SRPK2: variants seen among roughly 807,000 people sequenced by gnomAD.
SRPK2 encodes the protein SFRS protein kinase 2.
In SRPK2, 21 loss-of-function variants were observed where a neutral mutation model predicts 90.8. The observed-to-expected ratio is 0.23, with a 90% confidence interval of 0.16 to 0.33. The LOEUF is 0.33. Among genes scored for constraint, SRPK2 ranks in the 10% least tolerant of loss-of-function variants. The pLI, the probability that SRPK2 is intolerant of heterozygous loss-of-function variation, is 1.00. For synonymous variants in SRPK2, 288 were observed against 311.1 expected (o/e 0.93, Z 0.78); for missense variants, 620 against 869.0 (o/e 0.71, Z 3.60).
intron 2 of SRPK2, among the ~76,000 whole-genome samples, chr7:105,380,831 T>A (rs537094146): frequency 3.3e-5 from 5 of 151,580 alleles, no homozygotes; most frequent in East Asian, 1.9e-4. Flanking sequence ...TGCTAAAAAA[T>A]TTTTAAATTA....
intron 2 of SRPK2, among the ~76,000 whole-genome samples, chr7:105,234,033 C>A (rs1031334961): frequency 6.6e-6 from 1 of 151,714 alleles, no homozygotes; most frequent in Admixed American, 6.6e-5. Context: ...TAATTAGTAT[C>A]TATTATTATT....
At chr7:105,267,813 A>G (rs1805301382) in intron 2 of SRPK2, among the ~76,000 whole-genome samples, 1 of 152,024 alleles carries the variant, frequency 6.6e-6, no homozygotes, top group East Asian at 1.9e-4. Flanking sequence ...CTACCACATT[A>G]TTTCTCCATT....
At chr7:105,330,153 C>T (rs1814121399) in intron 2 of SRPK2, among the ~76,000 whole-genome samples, 1 of 151,980 alleles carries the variant, frequency 6.6e-6, no homozygotes, top group African/African-American at 2.4e-5. Flanking sequence ...TCCTGGCTAA[C>T]ACGGTGAAAC....
chr7:105,294,700 A>G (rs1387005959), intron 2 of SRPK2, among the ~76,000 whole-genome samples: 3 of 151,792 alleles, frequency 2.0e-5, no homozygotes, highest in Non-Finnish European at 2.9e-5. Context: ...TAATTTTTCT[A>G]TTTTTAGTAG....
intron 2 of SRPK2, among the ~76,000 whole-genome samples, chr7:105,294,730 T>C (rs1318070773): frequency 6.6e-6 from 1 of 152,056 alleles, no homozygotes; most frequent in Non-Finnish European, 1.5e-5. Flanking sequence ...TTCATCATGT[T>C]GGCCAGACTG....
Position 105,142,106 on chromosome 7 carries a change from A to G in SRPK2, c.1445T>C (p.Leu482Pro). 1 of 1,614,214 alleles carries G rather than the reference A, an allele frequency of 6.2e-7. No individual in the cohort carries two copies. Among genetic ancestry groups the G allele is most frequent in the Non-Finnish European group, 8.5e-7 (1 of 1,180,026 alleles). ...SLEPVACGSVLSEGSPLTEQE... is the reference protein window; with the variant it reads ...SLEPVACGSVPSEGSPLTEQE... ...CTCAGTAAGTGGTGATCCCTCAGAAAGCACAGAGCCGCAGGCCACAGGTTC... is the reference window on the plus strand; with the variant it reads ...CTCAGTAAGTGGTGATCCCTCAGAAGGCACAGAGCCGCAGGCCACAGGTTC... The change falls in exon 11 of 16, where the codon CTT becomes CCT. Residue 482 changes from leucine to proline, a missense_variant. Transcript: ENST00000393651.
chr7:105,181,308 C>A (rs1242893036), intron 3 of SRPK2, among the ~76,000 whole-genome samples: 2 of 152,184 alleles, frequency 1.3e-5, no homozygotes, highest in South Asian at 4.1e-4. Context: ...ATCAGTATGG[C>A]AATTCCTCAA....
chr7:105,345,058 A>AC (rs1816294747), intron 2 of SRPK2, among the ~76,000 whole-genome samples: 1 of 151,672 alleles, frequency 6.6e-6, no homozygotes, highest in Non-Finnish European at 1.5e-5. Flanking sequence ...ATCACTTGAA[A>AC]CCAGGAGGCG....
At chr7:105,281,881 T>C (rs1400957672) in intron 2 of SRPK2, among the ~76,000 whole-genome samples, 2 of 152,086 alleles carry the variant, frequency 1.3e-5, no homozygotes, top group Non-Finnish European at 2.9e-5. Flanking sequence ...ATGGCAATAT[T>C]CCCCAAATTA....
intron 3 of SRPK2, among the ~76,000 whole-genome samples, chr7:105,174,315 C>CT (rs1450558183): frequency 6.6e-6 from 1 of 152,124 alleles, no homozygotes; most frequent in Non-Finnish European, 1.5e-5. Context: ...TAAAGGTTCC[C>CT]TTTTCCTTGC....
upstream of SRPK2, chr7:105,389,032 G>GCCGCGCGCCCAGCGCC (rs1201111477): frequency 1.2e-5 from 11 of 938,644 alleles, no homozygotes; most frequent in African/African-American, 2.2e-5. Flanking sequence ...GGACCCCAGC[G>GCCGCGCGCCCAGCGCC]CCGCGCGCCC....
intron 1 of SRPK2, among the ~76,000 whole-genome samples, chr7:105,396,804 AAG>A (rs1822341182): frequency 1.8e-5 from 1 of 54,854 alleles, no homozygotes; most frequent in Non-Finnish European, 4.6e-5. Context: ...GAGAAAGAGA[AAG>A]AAAGAAAGAG....
chr7:105,307,924 T>C (rs182044564), intron 2 of SRPK2, among the ~76,000 whole-genome samples: 1 of 152,348 alleles, frequency 6.6e-6, no homozygotes, highest in Admixed American at 6.5e-5. Flanking sequence ...CAAATTACTT[T>C]CTATCTCTAA....
intron 7 of SRPK2, among the ~76,000 whole-genome samples, chr7:105,155,096 G>A (rs978270841): frequency 1.3e-5 from 2 of 151,354 alleles, no homozygotes; most frequent in Non-Finnish European, 2.9e-5. Context: ...TTCTCTTGCC[G>A]CAGCCTCCCA....
chr7:105,360,550 T>G (rs1029868305), intron 2 of SRPK2, among the ~76,000 whole-genome samples: 1 of 152,172 alleles, frequency 6.6e-6, no homozygotes, highest in African/African-American at 2.4e-5. Context: ...CAGGAGCTCT[T>G]GTAAGGCAGG....
chr7:105,204,682 C>T, intron 2 of SRPK2: 3 of 974,960 alleles, frequency 3.1e-6, no homozygotes, highest in Admixed American at 4.2e-5. Context: ...TCTGCAACGG[C>T]AGCCCTCAGG....
chr7:105,252,352 A>G (rs1481302304), intron 2 of SRPK2, among the ~76,000 whole-genome samples: 1 of 152,144 alleles, frequency 6.6e-6, no homozygotes, highest in Non-Finnish European at 1.5e-5. Flanking sequence ...AACAAAGGGC[A>G]AAAGGAAGCA....
intron 2 of SRPK2, among the ~76,000 whole-genome samples, chr7:105,319,098 T>G (rs142668575): frequency 6.6e-6 from 1 of 152,340 alleles, no homozygotes; most frequent in Non-Finnish European, 1.5e-5. Flanking sequence ...TTAAAACTGC[T>G]TAATTCACTC....
At chr7:105,373,654 C>T (rs1280491489) in intron 2 of SRPK2, among the ~76,000 whole-genome samples, 1 of 151,808 alleles carries the variant, frequency 6.6e-6, no homozygotes, top group African/African-American at 2.4e-5. Flanking sequence ...CCGCTCGCTT[C>T]GGCCTCCCAA....
Sources: allele counts gnomAD v4.1 joint callset (sites outside exome capture counted in the v4.1 genomes callset), GRCh38; gene constraint gnomAD v4.1.1; transcripts MANE v1.5; gene names NCBI Gene and HGNC (gene_info 2026-07-23, HGNC 2026-07-21).